SYNCRIP: variants seen among roughly 807,000 people sequenced by gnomAD.
SYNCRIP encodes heterogeneous nuclear ribonucleoprotein Q.
Under a neutral mutation model 68.9 loss-of-function variants are expected in SYNCRIP, and 9 were observed. That is an observed-to-expected ratio of 0.13 (90% CI 0.08 to 0.23). The LOEUF (loss-of-function observed/expected upper bound fraction) is 0.23, where lower values mean the gene tolerates loss of function less well. Ranked by LOEUF, SYNCRIP falls within the 10% of genes least tolerant of loss-of-function variation. The probability of loss-of-function intolerance (pLI) is 1.00; values close to 1 mark genes in which losing one functional copy is unlikely to be tolerated. For synonymous variants in SYNCRIP, 258 were observed against 254.0 expected (o/e 1.02, Z -0.15); for missense variants, 414 against 770.6 (o/e 0.54, Z 5.48).
downstream of SYNCRIP, among the ~76,000 whole-genome samples, chr6:85,613,509 C>CT (rs2128276636): frequency 1.3e-5 from 2 of 152,226 alleles, no homozygotes; most frequent in South Asian, 2.1e-4. Context: ...CCCCAAAACT[C>CT]TAACATTTTC....
At chr6:85,629,737 G>A (rs911366398) in intron 6 of SYNCRIP, among the ~76,000 whole-genome samples, 11 of 150,918 alleles carry the variant, frequency 7.3e-5, no homozygotes, top group Non-Finnish European at 1.5e-4. Context: ...CAGAAGAATC[G>A]CTTGAACCTG....
intron 10 of SYNCRIP, among the ~76,000 whole-genome samples, chr6:85,615,672 C>T (rs1184805223): frequency 6.6e-6 from 1 of 152,124 alleles, no homozygotes; most frequent in Non-Finnish European, 1.5e-5. Flanking sequence ...GGGCTGGGAG[C>T]GGTCATGCCT....
chr6:85,634,298 T>G (rs562407151), intron 6 of SYNCRIP, among the ~76,000 whole-genome samples: 34 of 152,220 alleles, frequency 2.2e-4, no homozygotes, highest in Non-Finnish European at 4.3e-4. Flanking sequence ...ATCTTTACTG[T>G]AAAGTTTCTG....
chr6:85,641,686 C>T (rs1026998263), intron 1 of SYNCRIP, among the ~76,000 whole-genome samples: 1 of 152,112 alleles, frequency 6.6e-6, no homozygotes, highest in Non-Finnish European at 1.5e-5. Flanking sequence ...TGCTAACACT[C>T]CCTAGGAAAA....
At chr6:85,634,457 T>TC (rs1808201312) in intron 6 of SYNCRIP, among the ~76,000 whole-genome samples, 1 of 152,182 alleles carries the variant, frequency 6.6e-6, no homozygotes, top group African/African-American at 2.4e-5. Flanking sequence ...TCTGCAGTGG[T>TC]CCCTCAGCAC....
At chr6:85,629,706 C>T (rs773617669) in intron 6 of SYNCRIP, among the ~76,000 whole-genome samples, 9 of 152,034 alleles carry the variant, frequency 5.9e-5, no homozygotes, top group Non-Finnish European at 1.3e-4. Flanking sequence ...CCTGTAGTCC[C>T]AGCTACTCGG....
chr6:85,635,509 T>A (rs1256832054), intron 6 of SYNCRIP, among the ~76,000 whole-genome samples: 4 of 151,984 alleles, frequency 2.6e-5, no homozygotes, highest in African/African-American at 9.7e-5. Context: ...GTGGCACACG[T>A]CTGCAATCCC....
At chr6:85,643,288 C>A (rs1809430526), upstream of SYNCRIP, 1 of 152,224 alleles carries the variant, frequency 6.6e-6, no homozygotes, top group African/African-American at 2.4e-5. Context: ...TCCCCCAGTC[C>A]CTGCCGAGTC....
chr6:85,642,133 C>A (rs1356941621), intron 1 of SYNCRIP, among the ~76,000 whole-genome samples: 1 of 152,186 alleles, frequency 6.6e-6, no homozygotes, highest in Non-Finnish European at 1.5e-5. Context: ...GCGGTCGGAG[C>A]CCCCAGAAAG....
chr6:85,622,006 A>AT, intron 8 of SYNCRIP, among the ~76,000 whole-genome samples: 1 of 148,868 alleles, frequency 6.7e-6, no homozygotes, highest in South Asian at 2.1e-4. Context: ...GGCACATGGT[A>AT]TTTCCAGTGC....
rs570997106 is a variant in SYNCRIP at position 85,616,357 on chromosome 6, G to A, written c.1281-1010C>T. Among the ~76,000 whole-genome samples the A allele has an allele frequency of 5.9e-5, 9 of 152,184 alleles. No individual in the cohort carries two copies. In the East Asian group the frequency reaches 1.7e-3, roughly 29 times the overall value. On this transcript the variant is annotated intron_variant, in intron 10 of 10. Transcript: ENST00000369622. ...ATTTATTTATTTGAGACACAGTCTTGCTCTGTCACCCAGGCTGCAATGCAG... is the reference window on the plus strand; with the variant it reads ...ATTTATTTATTTGAGACACAGTCTTACTCTGTCACCCAGGCTGCAATGCAG...
chr6:85,642,223 G>A lies in SYNCRIP; in HGVS notation c.-13+574C>T, dbSNP rs537041303. On this transcript the variant is annotated intron_variant, in intron 1 of 10. Coordinates refer to ENST00000369622, the MANE Select transcript of SYNCRIP (RefSeq NM_006372.5). ...CAGGCTCTCCCCGCCCCCCAGCGCC[G>A]CCGTCTCCGCCGTGACACATGGCTC... Among the ~76,000 whole-genome samples the A allele has an allele frequency of 6.2e-3, 944 of 151,980 alleles. 7 individuals carry two copies. Among genetic ancestry groups the A allele is most frequent in the African/African-American group, 0.022 (893 of 41,448 alleles).
intron 6 of SYNCRIP, among the ~76,000 whole-genome samples, chr6:85,632,205 A>G (rs1807876575): frequency 6.6e-6 from 1 of 152,216 alleles, no homozygotes; most frequent in South Asian, 2.1e-4. Flanking sequence ...ATCAGTATTA[A>G]AAGACAATGC....
intron 6 of SYNCRIP, among the ~76,000 whole-genome samples, chr6:85,628,484 T>C (rs1321867277): frequency 1.3e-5 from 2 of 152,232 alleles, no homozygotes; most frequent in East Asian, 3.8e-4. Context: ...CTCAGTTGTT[T>C]TCTATGCTTG....
chr6:85,622,730 T>C, intron 7 of SYNCRIP, 43 bp from the exon 8 acceptor site: 1 of 1,478,516 alleles, frequency 6.8e-7, no homozygotes, highest in Non-Finnish European at 9.4e-7. Flanking sequence ...ATGAAATAAC[T>C]AGCAAATACA....
At chr6:85,619,531 A>C in intron 8 of SYNCRIP, 114 bp from the exon 9 acceptor site, 1 of 965,126 alleles carries the variant, frequency 1.0e-6, no homozygotes, top group Non-Finnish European at 1.5e-6. Flanking sequence ...AGAATGTCAG[A>C]ATATAAAAAA....
chr6:85,614,685 C>A lies in SYNCRIP; in HGVS notation c.*71G>T. On this transcript the variant is annotated 3_prime_UTR_variant, in exon 11 of 11. Coordinates refer to ENST00000369622, the MANE Select transcript of SYNCRIP (RefSeq NM_006372.5). ...TGCCAGATGTCACAAATTATAGCGG[C>A]ACCCGTTCAGATTTAGGGTGAGTTT... The A allele has an allele frequency of 6.8e-7, 1 of 1,476,496 alleles. No individual in the cohort carries two copies. The highest frequency in any genetic ancestry group is 2.6e-5 in the Admixed American group (1 of 38,652). The allele number at this position is 1,476,496 out of a possible 1,614,324, so 91.5% of individuals were successfully genotyped here.
intron 6 of SYNCRIP, among the ~76,000 whole-genome samples, chr6:85,625,508 C>T (rs1047088306): frequency 2.0e-5 from 3 of 152,068 alleles, no homozygotes; most frequent in African/African-American, 4.8e-5. Flanking sequence ...CTCCCTCTAC[C>T]TCCCGAGTAG....
At chr6:85,625,170 C>G (rs1806893708) in intron 6 of SYNCRIP, among the ~76,000 whole-genome samples, 1 of 152,118 alleles carries the variant, frequency 6.6e-6, no homozygotes, top group Non-Finnish European at 1.5e-5. Context: ...AGTTCAAATA[C>G]CATACCTCCA....
Sources: gnomAD v4.1 joint callset for allele counts (sites outside exome capture counted in the v4.1 genomes callset) on GRCh38, gnomAD v4.1.1 for gene constraint, MANE v1.5 for transcripts, NCBI Gene and HGNC (gene_info 2026-07-23, HGNC 2026-07-21) for gene names.